ITPR1: variants seen among roughly 807,000 people sequenced by gnomAD.
ITPR1 encodes the protein inositol 1,4,5-trisphosphate-gated calcium channel ITPR1.
Under a neutral mutation model 318.4 loss-of-function variants are expected in ITPR1, and 96 were observed. That is an observed-to-expected ratio of 0.30 (90% CI 0.26 to 0.36). The LOEUF (loss-of-function observed/expected upper bound fraction) is 0.36. Among genes scored for constraint, ITPR1 ranks in the 10% least tolerant of loss-of-function variants. The pLI is 1.00. For missense variants in ITPR1, 2,440 were observed against 3,460.2 expected (o/e 0.71, Z 7.40); for synonymous variants, 1,312 against 1,289.9 (o/e 1.02, Z -0.37).
At chr3:4,651,348 C>CTG (rs1399649714) in intron 10 of ITPR1, among the ~76,000 whole-genome samples, 1 of 152,154 alleles carries the variant, frequency 6.6e-6, no homozygotes, top group Non-Finnish European at 1.5e-5. Flanking sequence ...ATTCTAGCTG[C>CTG]CTCAGTCTCC....
chr3:4,674,428 G>A, intron 22 of ITPR1, 85 bp downstream of exon 22: 1 of 1,197,856 alleles, frequency 8.3e-7, no homozygotes, highest in Non-Finnish European at 1.1e-6. Context: ...TATGTGAGTA[G>A]GTTGTGATTT....
intron 4 of ITPR1, among the ~76,000 whole-genome samples, chr3:4,590,013 A>G (rs1575628586): frequency 6.6e-6 from 1 of 151,982 alleles, no homozygotes; most frequent in African/African-American, 2.4e-5. Context: ...TTTGTGCTTA[A>G]TGTTCCTCCT....
intron 4 of ITPR1, among the ~76,000 whole-genome samples, chr3:4,539,245 T>C (rs2084169670): frequency 2.0e-5 from 3 of 152,180 alleles, no homozygotes; most frequent in Admixed American, 6.5e-5. Flanking sequence ...GTTCTCTTTT[T>C]TGAAAAAATG....
In ITPR1 at chr3:4,710,485, C is replaced by A; in HGVS notation, c.4991+12C>A. On this transcript the variant is annotated intron_variant, in intron 38 of 61. Coordinates refer to ENST00000649015, the MANE Select transcript of ITPR1 (RefSeq NM_001378452.1). The surrounding 1 kb of genome is among the most constrained non-coding windows in gnomAD (Gnocchi z 4.2). ...GGTTTCATTTGCAAGTAAGCGGCCT[C>A]TCTCTCTGGGGTGTTCATTTGCCAG... 1 of 1,552,170 alleles carries A rather than the reference C, an allele frequency of 6.4e-7. No individual in the cohort carries two copies. Among genetic ancestry groups the A allele is most frequent in the Non-Finnish European group, 8.7e-7 (1 of 1,147,156 alleles).
chr3:4,787,573 C>T (rs2125405379), intron 51 of ITPR1, among the ~76,000 whole-genome samples: 1 of 148,926 alleles, frequency 6.7e-6, no homozygotes, highest in Non-Finnish European at 1.5e-5. Flanking sequence ...AGGTGCGTGC[C>T]TGTAATCCCA....
intron 11 of ITPR1, 42 bp downstream of exon 11, chr3:4,652,260 C>A (rs1366919486): frequency 2.2e-6 from 3 of 1,344,996 alleles, no homozygotes; most frequent in Admixed American, 1.9e-5. Flanking sequence ...AAGGCTGACG[C>A]ACCTCACCGC....
At chr3:4,734,050 G>C (rs11922422) in intron 43 of ITPR1, among the ~76,000 whole-genome samples, 24,130 of 152,152 alleles carry the variant, frequency 0.16, 2,010 homozygotes, top group African/African-American at 0.18. Flanking sequence ...CGCTTAATTT[G>C]TCCTAGCACA....
chr3:4,519,564 C>T (rs940708003), intron 3 of ITPR1, among the ~76,000 whole-genome samples: 1 of 152,172 alleles, frequency 6.6e-6, no homozygotes, highest in African/African-American at 2.4e-5. Flanking sequence ...ACCTTGGATT[C>T]TGAGCCCACC....
intron 41 of ITPR1, 132 bp from the exon 42 acceptor site, chr3:4,726,994 C>A: frequency 1.4e-6 from 1 of 724,798 alleles, no homozygotes; most frequent in Admixed American, 2.3e-5. Context: ...AAACAAAAAT[C>A]CAGACCTATT....
chr3:4,836,964 C>G (rs1252466582), intron 61 of ITPR1, 29 bp downstream of exon 61: 9 of 1,532,226 alleles, frequency 5.9e-6, no homozygotes, highest in Non-Finnish European at 7.1e-6. Flanking sequence ...AGCGCCTACC[C>G]TCCCATCACT....
At position 4,685,183 on chromosome 3, in the gene ITPR1, C is replaced by T. The variant is rs1431755744; in HGVS notation, c.3679C>T (p.Leu1227=). ...GGGCGCGCACGCCGTGGTGCTGGAGCTGCTGCAGATTCCCTATGAGAAGGT... is the reference window on the plus strand; with the variant it reads ...GGGCGCGCACGCCGTGGTGCTGGAGTTGCTGCAGATTCCCTATGAGAAGGT... The part of the protein sequence containing the change: ...NMGAHAVVLE[L]LQIPYEKAED... Residue 1227 remains leucine, a synonymous_variant, in exon 30 of 62, where the codon CTG becomes TTG. Coordinates refer to ENST00000649015, the MANE Select transcript of ITPR1 (RefSeq NM_001378452.1). The T allele has an allele frequency of 1.2e-6, 2 of 1,605,020 alleles. No individual in the cohort carries two copies. The highest frequency in any genetic ancestry group is 1.7e-5 in the Admixed American group (1 of 59,550).
intron 44 of ITPR1, chr3:4,735,633 A>G (rs971470544): frequency 2.4e-6 from 1 of 418,682 alleles, no homozygotes; most frequent in Non-Finnish European, 4.3e-6. Flanking sequence ...CATAGTGGGC[A>G]CTCCATAAAT....
intron 30 of ITPR1, 107 bp downstream of exon 30, chr3:4,685,313 G>A (rs2094374043): frequency 2.7e-6 from 3 of 1,096,500 alleles, no homozygotes; most frequent in Non-Finnish European, 2.5e-6. Context: ...TGCATCCAGT[G>A]TGACTATTGT....
At chr3:4,778,053 G>A (rs1196697047) in intron 48 of ITPR1, among the ~76,000 whole-genome samples, 2 of 152,174 alleles carry the variant, frequency 1.3e-5, no homozygotes, top group African/African-American at 2.4e-5. Context: ...AATGAAAATC[G>A]TGACTTCTAG....
Position 4,811,398 on chromosome 3 carries a change from T to C in ITPR1, c.7406T>C (p.Leu2469Pro). 1 of 1,614,036 alleles carries C rather than the reference T, an allele frequency of 6.2e-7. No individual in the cohort carries two copies. The highest frequency in any genetic ancestry group is 1.1e-5 in the South Asian group (1 of 91,092). Reference protein sequence around the residue: ...LVYLFSIVGYLFFKDDFILEV... With the variant: ...LVYLFSIVGYPFFKDDFILEV... ...TACCTGTTCTCAATAGTGGGCTATC[T>C]TTTCTTCAAGGATGACTTTATCTTG... The change falls in exon 56 of 62, where the codon CTT (leucine) becomes CCT (proline). Residue 2469 changes from leucine (L) to proline (P), a missense_variant. By Grantham distance (98) the Leu-to-Pro change is moderately conservative (BLOSUM62 -3). Transcript: ENST00000649015.
At chr3:4,696,209 T>C (rs1281500959) in intron 33 of ITPR1, among the ~76,000 whole-genome samples, 1 of 152,226 alleles carries the variant, frequency 6.6e-6, no homozygotes, top group African/African-American at 2.4e-5. Context: ...CATCACAATT[T>C]AGTTACTGAA....
At chr3:4,723,159 G>C (rs1168039479) in intron 40 of ITPR1, among the ~76,000 whole-genome samples, 1 of 152,114 alleles carries the variant, frequency 6.6e-6, no homozygotes, top group Non-Finnish European at 1.5e-5. Context: ...AAAACAGACA[G>C]ACACACAAAA....
Position 4,665,129 on chromosome 3 carries a change from C to T in ITPR1, c.1555-9C>T, listed in dbSNP as rs2093919065. ...GATTGCCATTTTTGCTTTTCATTTT[C>T]ACAAACAGATCTTCAAGTTGTTACA... On this transcript the variant is annotated splice_polypyrimidine_tract_variant and intron_variant, in intron 16 of 61. Coordinates refer to ENST00000649015, the MANE Select transcript of ITPR1 (RefSeq NM_001378452.1). 1.2e-6 allele frequency: 2 copies of T among 1,613,962 alleles called. No individual in the cohort carries two copies. Among genetic ancestry groups the T allele is most frequent in the Non-Finnish European group, 1.7e-6 (2 of 1,179,838 alleles).
intron 59 of ITPR1, among the ~76,000 whole-genome samples, chr3:4,815,486 T>C (rs1242792773): frequency 6.6e-6 from 1 of 152,184 alleles, no homozygotes; most frequent in Non-Finnish European, 1.5e-5. Context: ...ATTTAACATC[T>C]TTAATCCTTC....
Sources: gnomAD v4.1 joint callset for allele counts (sites outside exome capture counted in the v4.1 genomes callset) on GRCh38, gnomAD v4.1.1 for gene constraint, Gnocchi (gnomAD v3.1) non-coding constraint, MANE v1.5 for transcripts, NCBI Gene and HGNC (gene_info 2026-07-23, HGNC 2026-07-21) for gene names.